The following POGZ variants were observed in gnomAD, a reference collection of about 807,000 sequenced individuals.
POGZ encodes pogo transposable element derived with ZNF domain.
In POGZ, 17 loss-of-function variants were observed where a neutral mutation model predicts 134.6. That is an observed-to-expected ratio of 0.13 (90% CI 0.09 to 0.19). The LOEUF (loss-of-function observed/expected upper bound fraction) is 0.19, where lower values mean the gene tolerates loss of function less well. POGZ is among the 10% of genes least tolerant of loss of function. The pLI is 1.00. For synonymous variants in POGZ, 693 were observed against 657.1 expected, an observed-to-expected ratio of 1.05 and a Z score of -0.84; for missense variants, 1,306 against 1,769.7, an observed-to-expected ratio of 0.74 and a Z score of 4.70.
rs764087333 is a variant in POGZ, at chr1:151,406,045, C to T, written c.2990G>A (p.Arg997Gln). The part of the protein sequence containing the change: ...CNTEQAAEHF[R>Q]NPQRRIRRWL... ...ACGGCGAATACGTCGCTGGGGATTT[C>T]GGAAGTGTTCAGCTGCCTGTTCTGT... The change falls in exon 19 of 19, where the codon CGA (arginine) becomes CAA (glutamine). Residue 997 changes from arginine to glutamine, a missense_variant. By Grantham distance (43) the Arg-to-Gln change is conservative. Around this residue, in one of 10 missense-constraint regions of POGZ, gnomAD observed 214 missense variants for 255.5 expected, o/e 0.84. Transcript: ENST00000271715. The T allele has an allele frequency of 1.5e-5, 25 of 1,614,084 alleles. No homozygotes were observed. Among genetic ancestry groups the T allele is most frequent in the Non-Finnish European group, 1.9e-5 (23 of 1,180,040 alleles).
Position 151,403,877 on chromosome 1 carries a change from G to A in POGZ, c.*925C>T, listed in dbSNP as rs1653125193. 8 of 985,472 alleles carry A rather than the reference G, an allele frequency of 8.1e-6. No individual in the cohort carries two copies. The highest frequency in any genetic ancestry group is 9.6e-6 in the Non-Finnish European group (8 of 829,944). 61.0% of individuals were successfully genotyped at this position (985,472 alleles called of 1,614,324 possible). A position where few individuals can be genotyped will look rare whatever the true frequency, so the allele number is the denominator to read the frequency against. ...AGGGACTGCCCCTGGGGGCTTACAG[G>A]ATGAAGACTCAAACTGGGAATGGCT... On this transcript the variant is annotated 3_prime_UTR_variant, in exon 19 of 19. Transcript: ENST00000271715.
chr1:151,427,983 T>G lies in POGZ; in HGVS notation c.918A>C (p.Arg306=), dbSNP rs772371369. The G allele has an allele frequency of 1.2e-6, 2 of 1,614,156 alleles. No homozygotes were observed. Among genetic ancestry groups the G allele is most frequent in the South Asian group, 2.2e-5 (2 of 91,076 alleles). ...TGCTATTTTCGCCTGTAACACCAGG[T>G]CGCTTCACAGTGACAAAGCTGGCAA... ...VSIASFVTVK[R]PGVTGENSNE... The change falls in exon 7 of 19, where the codon CGA becomes CGC. Residue 306 remains arginine (R), a synonymous_variant. Coordinates refer to ENST00000271715, the MANE Select transcript of POGZ (RefSeq NM_015100.4).
chr1:151,447,214 T>C (rs1360098431), intron 1 of POGZ, among the ~76,000 whole-genome samples: 3 of 151,802 alleles, frequency 2.0e-5, no homozygotes, highest in Non-Finnish European at 2.9e-5. Flanking sequence ...GGTGAAACCC[T>C]GTCTCTACTA....
chr1:151,443,237 C>T (rs1050440095), intron 1 of POGZ, among the ~76,000 whole-genome samples: 1 of 152,128 alleles, frequency 6.6e-6, no homozygotes, highest in African/African-American at 2.4e-5. Flanking sequence ...CCTCTCTGTA[C>T]TCCTTTAAAT....
Position 151,406,272 on chromosome 1 carries a change from G to A in POGZ, c.2763C>T (p.Pro921=), listed in dbSNP as rs775118517. The change falls in exon 19 of 19, where the codon CCC becomes CCT. Residue 921 remains proline, a synonymous_variant. Coordinates refer to ENST00000271715, the MANE Select transcript of POGZ (RefSeq NM_015100.4). Reference sequence around the variant, plus strand: ...GAAGGGCTAAAGCCTGCGGGTGAGTGGGGGTTGGTGGTGGGGTTGCAGTTG... The same window carrying A: ...GAAGGGCTAAAGCCTGCGGGTGAGTAGGGGTTGGTGGTGGGGTTGCAGTTG... ...PASTATPPPT[P]THPQALALPP... The A allele has an allele frequency of 3.1e-6, 5 of 1,612,650 alleles. No homozygotes were observed. Among genetic ancestry groups the A allele is most frequent in the Admixed American group, 1.7e-5 (1 of 59,930 alleles).
chr1:151,444,120 T>C (rs1007447083), intron 1 of POGZ, among the ~76,000 whole-genome samples: 6 of 152,214 alleles, frequency 3.9e-5, no homozygotes, highest in African/African-American at 1.4e-4. Flanking sequence ...TGGGTTTTAA[T>C]GGGTAAAGTG....
intron 1 of POGZ, among the ~76,000 whole-genome samples, chr1:151,445,459 T>A (rs374410797): frequency 0.015 from 2,191 of 147,848 alleles, 46 homozygotes; most frequent in African/African-American, 0.051. Flanking sequence ...GAGGCAGAGG[T>A]TGCAGTGAGC....
chr1:151,428,081 C>A, intron 6 of POGZ, 40 bp from the exon 7 acceptor site: 1 of 1,613,262 alleles, frequency 6.2e-7, no homozygotes. Context: ...CTCCACCCAC[C>A]ATCCCAACCT....
Position 151,412,367 on chromosome 1 carries a change from C to G in POGZ, c.1708G>C (p.Glu570Gln). The G allele has an allele frequency of 6.2e-7, 1 of 1,608,604 alleles. No individual in the cohort carries two copies. The highest frequency in any genetic ancestry group is 8.5e-7 in the Non-Finnish European group (1 of 1,175,430). Residue 570 changes from glutamate to glutamine, a missense_variant, in exon 11 of 19, where the codon GAA becomes CAA. By Grantham distance (29) the Glu-to-Gln change is conservative. Transcript: ENST00000271715. Reference protein sequence around the residue: ...TKCKICEWAFESEPLFLQHMK... With the variant: ...TKCKICEWAFQSEPLFLQHMK... Reference sequence around the variant, plus strand: ...TGCTGGAGAAATAGTGGCTCACTTTCAAACGCCCATTCACAGATCTTGCAC... The same window carrying G: ...TGCTGGAGAAATAGTGGCTCACTTTGAAACGCCCATTCACAGATCTTGCAC...
chr1:151,408,095 C>T lies in POGZ; in HGVS notation c.2375+5G>A, dbSNP rs761012830. On this transcript the variant is annotated splice_donor_5th_base_variant and intron_variant, in intron 15 of 18. Transcript: ENST00000271715. ...AGCTAAAACACTGGTTAAAAACCAACTTACTTGATCATGTGGTTGGCATAA... is the reference window on the plus strand; with the variant it reads ...AGCTAAAACACTGGTTAAAAACCAATTTACTTGATCATGTGGTTGGCATAA... The T allele has an allele frequency of 3.9e-5, 62 of 1,600,208 alleles. No homozygotes were observed. Among genetic ancestry groups the T allele is most frequent in the Non-Finnish European group, 5.1e-5 (60 of 1,173,884 alleles).
intron 1 of POGZ, among the ~76,000 whole-genome samples, chr1:151,458,443 C>G (rs1478219460): frequency 6.6e-6 from 1 of 152,032 alleles, no homozygotes; most frequent in African/African-American, 2.4e-5. Context: ...TGCACTAAGG[C>G]TTAGGATGTA....
Position 151,406,237 on chromosome 1 carries a change from G to A in POGZ, c.2798C>T (p.Ala933Val). The part of the protein sequence containing the change: ...HPQALALPPL[A>V]TEGAECLNVD... ...ATTCAGACATTCGGCTCCCTCTGTA[G>A]CCAGCGGTGGAAGGGCTAAAGCCTG... Residue 933 changes from alanine to valine, a missense_variant, in exon 19 of 19, where the codon GCT becomes GTT. Around this residue, in one of 10 missense-constraint regions of POGZ, gnomAD observed 214 missense variants for 255.5 expected, o/e 0.84. Coordinates refer to ENST00000271715, the MANE Select transcript of POGZ (RefSeq NM_015100.4). 6.2e-7 allele frequency: 1 copy of A among 1,614,176 alleles called. No homozygotes were observed. The highest frequency in any genetic ancestry group is 1.1e-5 in the South Asian group (1 of 91,080).
At chr1:151,417,802 A>G (rs1656050909) in intron 10 of POGZ, among the ~76,000 whole-genome samples, 1 of 152,094 alleles carries the variant, frequency 6.6e-6, no homozygotes, top group South Asian at 2.1e-4. Context: ...ACAATTAACA[A>G]ACAATTCAGA....
chr1:151,454,708 G>C (rs1662555307), intron 1 of POGZ, among the ~76,000 whole-genome samples: 1 of 152,206 alleles, frequency 6.6e-6, no homozygotes, highest in East Asian at 1.9e-4. Context: ...TGACAGCTGT[G>C]TGTTGCCTAA....
At chr1:151,410,552 AG>A (rs1654488110) in intron 12 of POGZ, among the ~76,000 whole-genome samples, 1 of 152,200 alleles carries the variant, frequency 6.6e-6, no homozygotes, top group African/African-American at 2.4e-5. Context: ...TTTATAGATA[AG>A]GGACTTCAAA....
Position 151,417,935 on chromosome 1 carries a change from C to G in POGZ, c.1678+5462G>C, listed in dbSNP as rs1260882848. Among the ~76,000 whole-genome samples, 7 of 152,142 alleles carry G rather than the reference C, an allele frequency of 4.6e-5. No homozygotes were observed. The South Asian group carries it at 6.2e-4, about 13-fold the overall frequency. On this transcript the variant is annotated intron_variant, in intron 10 of 18. Coordinates refer to ENST00000271715, the MANE Select transcript of POGZ (RefSeq NM_015100.4). The stretch of plus-strand genomic sequence containing the variant: ...ACAATAGGCAAAATATAGAATCAAC[C>G]TAAGTGCCCACCAACAGATGAATGA...
Position 151,403,065 on chromosome 1 carries a change from G to A in POGZ, c.*1737C>T, listed in dbSNP as rs41271653. The A allele has an allele frequency of 4.6e-5, 10 of 216,280 alleles. No individual in the cohort carries two copies. Among genetic ancestry groups the A allele is most frequent in the Non-Finnish European group, 7.9e-5 (10 of 126,298 alleles). 13.4% of individuals were successfully genotyped at this position (216,280 alleles called of 1,614,324 possible). A position where few individuals can be genotyped will look rare whatever the true frequency, so the allele number is the denominator to read the frequency against. ...AAGTCCATTGTCTGTCAATAAAATGGCATCAGGCAAAAAGCTGGGGAAGAG... is the reference window on the plus strand; with the variant it reads ...AAGTCCATTGTCTGTCAATAAAATGACATCAGGCAAAAAGCTGGGGAAGAG... On this transcript the variant is annotated 3_prime_UTR_variant, in exon 19 of 19. Transcript: ENST00000271715.
At chr1:151,445,095 G>T (rs948791490) in intron 1 of POGZ, among the ~76,000 whole-genome samples, 3 of 152,138 alleles carry the variant, frequency 2.0e-5, no homozygotes. Flanking sequence ...AAAAAGGGTA[G>T]ATCTGAAAAG....
chr1:151,458,047 T>C (rs745405366), intron 1 of POGZ, among the ~76,000 whole-genome samples: 11 of 151,910 alleles, frequency 7.2e-5, no homozygotes, highest in East Asian at 1.9e-4. Context: ...TGCTGTGAGA[T>C]AGTCCAACTG....
Sources: gnomAD v4.1 joint callset for allele counts (sites outside exome capture counted in the v4.1 genomes callset) on GRCh38, gnomAD v4.1.1 for gene constraint, gnomAD v4.1.1 regional missense constraint, MANE v1.5 for transcripts, NCBI Gene and HGNC (gene_info 2026-07-23, HGNC 2026-07-21) for gene names.